CENPC: variants seen among roughly 807,000 people sequenced by gnomAD.
CENPC encodes the protein centromere protein C.
A neutral mutation model predicts 112.1 loss-of-function variants in CENPC; 63 were observed. That is an observed-to-expected ratio of 0.56 (90% CI 0.46 to 0.69). CENPC has a LOEUF of 0.69. Among genes scored for constraint, CENPC ranks in the 30% least tolerant of loss-of-function variants. The pLI is 0.00. For missense variants in CENPC, 1,000 were observed against 1,103.8 expected (o/e 0.91, Z 1.33); for synonymous variants, 333 against 367.6 (o/e 0.91, Z 1.08).
At chr4:67,496,372 G>A (rs561387131) in intron 12 of CENPC, among the ~76,000 whole-genome samples, 7 of 152,340 alleles carry the variant, frequency 4.6e-5, no homozygotes, top group African/African-American at 1.7e-4. Context: ...AACCATGAAA[G>A]ATAAATCAAT....
chr4:67,480,188 G>A (rs776740007), intron 17 of CENPC, among the ~76,000 whole-genome samples: 1 of 151,990 alleles, frequency 6.6e-6, no homozygotes, highest in Non-Finnish European at 1.5e-5. Flanking sequence ...AATTGGTGGC[G>A]CATGCCTGTA....
chr4:67,532,828 A>G (rs1726598083), intron 4 of CENPC, among the ~76,000 whole-genome samples: 2 of 152,226 alleles, frequency 1.3e-5, no homozygotes, highest in African/African-American at 4.8e-5. Flanking sequence ...GCACACCAAC[A>G]TGGCACATGT....
At chr4:67,494,313 A>T (rs1725371552) in intron 13 of CENPC, among the ~76,000 whole-genome samples, 1 of 152,138 alleles carries the variant, frequency 6.6e-6, no homozygotes, top group Non-Finnish European at 1.5e-5. Context: ...CCATGTTCTT[A>T]CCTATTTTTT....
intron 12 of CENPC, among the ~76,000 whole-genome samples, chr4:67,504,361 A>G (rs1560429184): frequency 6.6e-6 from 1 of 152,176 alleles, no homozygotes; most frequent in Non-Finnish European, 1.5e-5. Flanking sequence ...GTTAAAAGAG[A>G]AAATACAATA....
rs992212935 is a variant in CENPC at position 67,492,989 on chromosome 4, C to T, written c.2299G>A (p.Val767Met). 1.3e-5 allele frequency: 19 copies of T among 1,517,152 alleles called. No individual in the cohort carries two copies. The highest frequency in any genetic ancestry group is 2.5e-5 in the Admixed American group (1 of 39,696). The allele number at this position is 1,517,152 out of a possible 1,614,324, so 94.0% of individuals were successfully genotyped here. ...DYQGRPSGGF[V>M]ISGVLSPDTI... ...TCTGGAGATAGTACTCCACTAATCA[C>T]GAATCCTCCTGAAATTTAACAAAAA... The change falls in exon 15 of 19, where the codon GTG (valine) becomes ATG (methionine). Residue 767 changes from valine (V) to methionine (M), a missense_variant. By Grantham distance (21) the Val-to-Met change is conservative (BLOSUM62 1). Transcript: ENST00000273853.
Position 67,471,221 on chromosome 4 carries a change from C to G in CENPC, c.*1384G>C, listed in dbSNP as rs1724652376. ...CAAGAATAAATATTGAAATAAAGAACTTAAAAACTGAGCACAGACAGCAAT... is the reference window on the plus strand; with the variant it reads ...CAAGAATAAATATTGAAATAAAGAAGTTAAAAACTGAGCACAGACAGCAAT... On this transcript the variant is annotated 3_prime_UTR_variant, in exon 19 of 19. Transcript: ENST00000273853. 6.6e-6 allele frequency: 1 copy of G among 152,152 alleles called. No individual in the cohort carries two copies. Among genetic ancestry groups the G allele is most frequent in the Non-Finnish European group, 1.5e-5 (1 of 68,032 alleles). The allele number at this position is 152,152 out of a possible 1,614,324, so 9.4% of individuals were successfully genotyped here.
rs199926074 is a variant in CENPC at position 67,472,443 on chromosome 4, CAT to C, written c.*160_*161del. The stretch of plus-strand genomic sequence containing the variant: ...ACAGTCACTGAAAAATCAGAAAAAA[CAT>C]GTGAGTTAGAAATGTTTATCAAATA... On this transcript the variant is annotated 3_prime_UTR_variant, in exon 19 of 19. Transcript: ENST00000273853. The C allele has an allele frequency of 3.7e-5, 34 of 916,542 alleles. No homozygotes were observed. Among genetic ancestry groups the C allele is most frequent in the Non-Finnish European group, 6.9e-6 (5 of 721,976 alleles). The allele number at this position is 916,542 out of a possible 1,614,324, so 56.8% of individuals were successfully genotyped here.
At chr4:67,475,892 G>A (rs1238554033) in intron 17 of CENPC, among the ~76,000 whole-genome samples, 1 of 152,136 alleles carries the variant, frequency 6.6e-6, no homozygotes, top group Non-Finnish European at 1.5e-5. Flanking sequence ...CCCAGCCCAA[G>A]AGTATTAAGC....
rs750933864 is a variant in CENPC at position 67,545,330 on chromosome 4, G to A, written c.18+8C>T. 26 of 1,510,822 alleles carry A rather than the reference G, an allele frequency of 1.7e-5. No homozygotes were observed. The highest frequency in any genetic ancestry group is 2.2e-5 in the Non-Finnish European group (25 of 1,125,042). The allele number at this position is 1,510,822 out of a possible 1,614,324, so 93.6% of individuals were successfully genotyped here. The stretch of plus-strand genomic sequence containing the variant: ...ACCACTCGCCTGGAGCGGGGGGCCT[G>A]CACTTACCAGACCGGACGCAGCCAT... On this transcript the variant is annotated splice_region_variant and intron_variant, in intron 1 of 18. Transcript: ENST00000273853.
chr4:67,515,766 GGAGTGT>G (rs1223755372), intron 7 of CENPC, among the ~76,000 whole-genome samples: 1 of 151,866 alleles, frequency 6.6e-6, no homozygotes, highest in African/African-American at 2.4e-5. Flanking sequence ...AGAAATAAAT[GGAGTGT>G]ATCTAGAAAG....
intron 4 of CENPC, among the ~76,000 whole-genome samples, chr4:67,535,245 T>A (rs1464723875): frequency 6.6e-6 from 1 of 152,012 alleles, no homozygotes; most frequent in Non-Finnish European, 1.5e-5. Flanking sequence ...ATGGTATTTT[T>A]AAACAATTAA....
At chr4:67,505,515 T>C (rs355511) in intron 11 of CENPC, among the ~76,000 whole-genome samples, 95,742 of 151,890 alleles carry the variant, frequency 0.63, 30,430 homozygotes, top group East Asian at 0.81. Context: ...CCCTTATATA[T>C]AATGGTGCAG....
rs144082243 is a variant in CENPC, at chr4:67,502,569, C to G, written c.2131+2636G>C. On this transcript the variant is annotated intron_variant, in intron 12 of 18. Coordinates refer to ENST00000273853, the MANE Select transcript of CENPC (RefSeq NM_001812.4). The stretch of plus-strand genomic sequence containing the variant: ...AGTAACAGCACTGAAATGTACATAA[C>G]AAAGACTACAGAAAATACAAGGGCA... 1.5e-3 allele frequency among the ~76,000 whole-genome samples: 228 copies of G among 152,230 alleles called. 4 individuals are homozygous for G. Among genetic ancestry groups the G allele is most frequent in the African/African-American group, 5.3e-3 (222 of 41,550 alleles).
intron 5 of CENPC, among the ~76,000 whole-genome samples, chr4:67,521,545 T>C (rs1345847971): frequency 2.0e-5 from 3 of 152,204 alleles, no homozygotes; most frequent in African/African-American, 7.2e-5. Context: ...CAACTGTTGA[T>C]GTAGAAAAAA....
At chr4:67,482,943 T>A (rs1724993738) in intron 17 of CENPC, among the ~76,000 whole-genome samples, 1 of 152,160 alleles carries the variant, frequency 6.6e-6, no homozygotes. Context: ...GGGAGGGACC[T>A]AGTGGGAGGT....
intron 17 of CENPC, among the ~76,000 whole-genome samples, chr4:67,489,318 T>C (rs997152965): frequency 1.3e-5 from 2 of 151,784 alleles, no homozygotes; most frequent in African/African-American, 2.4e-5. Context: ...AAGGAGAAGA[T>C]AGAAACTGAC....
rs2109752028 is a variant in CENPC at position 67,470,078 on chromosome 4, A to G, written c.*2527T>C. 6.6e-6 allele frequency: 1 copy of G among 152,344 alleles called. No homozygotes were observed. Among genetic ancestry groups the G allele is most frequent in the South Asian group, 2.1e-4 (1 of 4,826 alleles). The allele number at this position is 152,344 out of a possible 1,614,324, so 9.4% of individuals were successfully genotyped here. On this transcript the variant is annotated 3_prime_UTR_variant, in exon 19 of 19. Transcript: ENST00000273853. ...AATAGCTACAACTTGTGACTACTGT[A>G]TCAGCCATTATAGCCCTAGAAGTTG...
intron 16 of CENPC, among the ~76,000 whole-genome samples, chr4:67,491,513 A>G (rs1023849373): frequency 3.7e-4 from 52 of 141,194 alleles, no homozygotes; most frequent in African/African-American, 1.3e-3. Flanking sequence ...AGAGAGAGAG[A>G]GAGAGAGAGA....
chr4:67,477,374 C>G (rs1724834341), intron 17 of CENPC, among the ~76,000 whole-genome samples: 1 of 152,224 alleles, frequency 6.6e-6, no homozygotes, highest in African/African-American at 2.4e-5. Flanking sequence ...GATCATATCA[C>G]AAGACGCTTT....
Sources: gnomAD v4.1 joint callset for allele counts (sites outside exome capture counted in the v4.1 genomes callset) on GRCh38, gnomAD v4.1.1 for gene constraint, MANE v1.5 for transcripts, NCBI Gene and HGNC (gene_info 2026-07-23, HGNC 2026-07-21) for gene names.